ZNF652: variants seen among roughly 807,000 people sequenced by gnomAD.
The protein encoded by ZNF652 is zinc finger protein 652.
Under a neutral mutation model 45.2 loss-of-function variants are expected in ZNF652, and 16 were observed. The observed-to-expected ratio is 0.35, with a 90% CI of 0.24 to 0.54. The LOEUF is 0.54. ZNF652 is among the 20% of genes least tolerant of loss of function. ZNF652 has a pLI of 0.91. For synonymous variants in ZNF652, 250 were observed against 260.6 expected (o/e 0.96, Z 0.39); for missense variants, 614 against 765.6 (o/e 0.80, Z 2.34).
At chr17:49,299,333 G>A (rs1033216927) in intron 5 of ZNF652, among the ~76,000 whole-genome samples, 7 of 152,140 alleles carry the variant, frequency 4.6e-5, no homozygotes, top group Non-Finnish European at 1.0e-4. Context: ...TATCCTAGAT[G>A]ACTCTTTGCC....
intron 1 of ZNF652, among the ~76,000 whole-genome samples, chr17:49,349,372 C>T (rs2070246104): frequency 6.6e-6 from 1 of 151,988 alleles, no homozygotes. Context: ...GCACTCCAAC[C>T]AGGGAAACAG....
intron 1 of ZNF652, among the ~76,000 whole-genome samples, chr17:49,351,008 TATATATACACAC>T (rs1344888261): frequency 1.1e-4 from 2 of 18,456 alleles, no homozygotes; most frequent in Admixed American, 5.1e-4. Flanking sequence ...TATATATATA[TATATATACACAC>T]ACACACACAC....
chr17:49,306,526 A>G (rs2069630969), intron 5 of ZNF652, among the ~76,000 whole-genome samples: 1 of 152,106 alleles, frequency 6.6e-6, no homozygotes, highest in Non-Finnish European at 1.5e-5. Context: ...AACTCAAGTG[A>G]TCCTCTCACC....
chr17:49,311,544 A>AT, intron 4 of ZNF652, 88 bp from the exon 5 acceptor site: 1 of 1,356,178 alleles, frequency 7.4e-7, no homozygotes, highest in Non-Finnish European at 9.9e-7. Context: ...TACTAGGCTT[A>AT]TTTTTCATAT....
chr17:49,354,000 T>C (rs1202754290), intron 1 of ZNF652, among the ~76,000 whole-genome samples: 1 of 152,156 alleles, frequency 6.6e-6, no homozygotes, highest in African/African-American at 2.4e-5. Flanking sequence ...TGAGGAGAGA[T>C]TGGAAGGCAG....
intron 1 of ZNF652, among the ~76,000 whole-genome samples, chr17:49,333,689 CA>C (rs2070050125): frequency 7.4e-6 from 1 of 135,320 alleles, no homozygotes; most frequent in Non-Finnish European, 1.5e-5. Context: ...CACTGCACTC[CA>C]GCCTGGGCGA....
rs951884621 is a variant in ZNF652 at position 49,289,485 on chromosome 17, G to C, written c.*8928C>G. ...AATAATATCGGTATAGTTAACACAAGGGGGAAATCAGTACATTGAGGGATC... is the reference window on the plus strand; with the variant it reads ...AATAATATCGGTATAGTTAACACAACGGGGAAATCAGTACATTGAGGGATC... On this transcript the variant is annotated 3_prime_UTR_variant, in exon 6 of 6. Transcript: ENST00000430262. 2.6e-5 allele frequency: 4 copies of C among 152,210 alleles called. No individual in the cohort carries two copies. Among genetic ancestry groups the C allele is most frequent in the African/African-American group, 9.7e-5 (4 of 41,442 alleles). 9.4% of individuals were successfully genotyped at this position (152,210 alleles called of 1,614,324 possible).
chr17:49,322,562 A>G (rs555771817), intron 1 of ZNF652: 2 of 152,378 alleles, frequency 1.3e-5, no homozygotes, highest in African/African-American at 4.8e-5. Flanking sequence ...TTTTGGTTTC[A>G]TTGTGCATAT....
chr17:49,342,717 A>G (rs1294278001), intron 1 of ZNF652, among the ~76,000 whole-genome samples: 1 of 152,156 alleles, frequency 6.6e-6, no homozygotes. Flanking sequence ...AGGCTGAACT[A>G]TAGAACATGT....
At chr17:49,316,410 A>G (rs2069805424) in intron 2 of ZNF652, among the ~76,000 whole-genome samples, 1 of 152,006 alleles carries the variant, frequency 6.6e-6, no homozygotes, top group East Asian at 1.9e-4. Context: ...TGTCCCCATC[A>G]GCTGTACTAG....
chr17:49,350,743 G>A (rs2070262174), intron 1 of ZNF652, among the ~76,000 whole-genome samples: 1 of 151,290 alleles, frequency 6.6e-6, no homozygotes, highest in South Asian at 2.1e-4. Context: ...GCCAAGGCAG[G>A]CGAATCACCT....
chr17:49,298,307 A>T lies in ZNF652; in HGVS notation c.*106T>A. On this transcript the variant is annotated 3_prime_UTR_variant, in exon 6 of 6. Transcript: ENST00000430262. ...CAGTGACACTGGCGAAGCTCTTGGTAGAGGCGGAGGAGAGTCTGAGAACTA... is the reference window on the plus strand; with the variant it reads ...CAGTGACACTGGCGAAGCTCTTGGTTGAGGCGGAGGAGAGTCTGAGAACTA... The T allele has an allele frequency of 2.1e-6, 3 of 1,397,254 alleles. No homozygotes were observed. The South Asian group carries it at 4.2e-5, about 19-fold the overall frequency. 86.6% of individuals were successfully genotyped at this position (1,397,254 alleles called of 1,614,324 possible).
At chr17:49,337,560 C>T (rs774221825) in intron 1 of ZNF652, among the ~76,000 whole-genome samples, 6 of 152,060 alleles carry the variant, frequency 3.9e-5, no homozygotes, top group African/African-American at 1.4e-4. Flanking sequence ...CACTGAGTTA[C>T]GCTTTATGAA....
In ZNF652 at chr17:49,317,482, T is replaced by A; in HGVS notation, c.244A>T (p.Arg82Trp). The change falls in exon 2 of 6, where the codon AGG becomes TGG. Residue 82 changes from arginine to tryptophan, a missense_variant. By Grantham distance (101) the Arg-to-Trp change is moderately radical. Transcript: ENST00000430262. ...LHETEEQPYF[R>W]ETRAVSDVHA... Reference sequence around the variant, plus strand: ...ACGTCAGACACTGCTCTTGTCTCCCTGAAATATGGCTGTTCTTCTGTTTCA... The same window carrying A: ...ACGTCAGACACTGCTCTTGTCTCCCAGAAATATGGCTGTTCTTCTGTTTCA... 6.2e-7 allele frequency: 1 copy of A among 1,614,190 alleles called. No homozygotes were observed. Among genetic ancestry groups the A allele is most frequent in the Non-Finnish European group, 8.5e-7 (1 of 1,180,036 alleles).
chr17:49,327,758 TATATATATATATATATATATA>T (rs1419458141), intron 1 of ZNF652, among the ~76,000 whole-genome samples: 8 of 5,094 alleles, frequency 1.6e-3, no homozygotes, highest in East Asian at 0.013. Context: ...TATATATATA[TATATATATATATATATATATA>T]TTTTTTTTTT....
In ZNF652 at chr17:49,317,003, C is replaced by G. The variant is rs1442202935; in HGVS notation, c.723G>C (p.Glu241Asp). Residue 241 changes from glutamate (E) to aspartate (D), a missense_variant, in exon 2 of 6, where the codon GAG becomes GAC. Glu to Asp is a conservative substitution (Grantham distance 45, BLOSUM62 2). Coordinates refer to ENST00000430262, the MANE Select transcript of ZNF652 (RefSeq NM_001145365.3). Reference sequence around the variant, plus strand: ...ACTTCTCACAGGTCAGAGTCTCTTTCTCTTCACACTTAGCTTTCTGGACTG... The same window carrying G: ...ACTTCTCACAGGTCAGAGTCTCTTTGTCTTCACACTTAGCTTTCTGGACTG... Reference protein sequence around the residue: ...KAPVQKAKCEEKETLTCEKCP... With the variant: ...KAPVQKAKCEDKETLTCEKCP... 1 of 1,614,192 alleles carries G rather than the reference C, an allele frequency of 6.2e-7. No homozygotes were observed. Among genetic ancestry groups the G allele is most frequent in the East Asian group, 2.2e-5 (1 of 44,878 alleles).
Position 49,330,848 on chromosome 17 carries a change from C to G in ZNF652, c.-258-12865G>C, listed in dbSNP as rs188685806. On this transcript the variant is annotated intron_variant, in intron 1 of 5. Coordinates refer to ENST00000430262, the MANE Select transcript of ZNF652 (RefSeq NM_001145365.3). ...GGTGGATCACCTGAGATTGGGAGTT[C>G]GAGACCAGCCTGACCAACATGGAGA... 2.6e-3 allele frequency among the ~76,000 whole-genome samples: 387 copies of G among 151,210 alleles called. 4 individuals carry two copies. The highest frequency in any genetic ancestry group is 8.9e-3 in the African/African-American group (367 of 41,234).
chr17:49,333,584 G>A (rs2070048729), intron 1 of ZNF652, among the ~76,000 whole-genome samples: 1 of 146,076 alleles, frequency 6.8e-6, no homozygotes, highest in Admixed American at 6.8e-5. Flanking sequence ...CCCAGGTGTG[G>A]TGGCGGGTGC....
intron 1 of ZNF652, among the ~76,000 whole-genome samples, chr17:49,343,814 G>A (rs1189059561): frequency 6.6e-6 from 1 of 152,028 alleles, no homozygotes; most frequent in Non-Finnish European, 1.5e-5. Flanking sequence ...CAAAACTTTG[G>A]CAGGCCAAAG....
Sources: allele counts gnomAD v4.1 joint callset (sites outside exome capture counted in the v4.1 genomes callset), GRCh38; gene constraint gnomAD v4.1.1; transcripts MANE v1.5; gene names NCBI Gene and HGNC (gene_info 2026-07-23, HGNC 2026-07-21).